Variants in SYT1 observed in about 807,000 individuals in gnomAD.
The protein encoded by SYT1 is synaptotagmin 1.
SYT1 carries 8 observed loss-of-function variants against 44.8 expected under a neutral mutation model. The ratio of observed to expected loss-of-function variants is 0.18; its 90% confidence interval spans 0.10 to 0.32. SYT1 has a LOEUF of 0.32. SYT1 is among the 10% of genes least tolerant of loss of function. SYT1 has a pLI of 1.00. For synonymous variants in SYT1, 154 were observed against 188.8 expected (o/e 0.82, Z 1.51); for missense variants, 286 against 509.3 (o/e 0.56, Z 4.22).
intron 4 of SYT1, among the ~76,000 whole-genome samples, chr12:79,223,935 C>A (rs1458629759): frequency 6.6e-6 from 1 of 152,160 alleles, no homozygotes; most frequent in Non-Finnish European, 1.5e-5. Flanking sequence ...TCTTTCTGCA[C>A]CTGTGCTGCC....
intron 2 of SYT1, among the ~76,000 whole-genome samples, chr12:79,033,294 A>G (rs1185362311): frequency 1.3e-5 from 2 of 151,292 alleles, no homozygotes; most frequent in Non-Finnish European, 3.0e-5. Flanking sequence ...CTCTTCCCCA[A>G]ATCTCTAACC....
intron 9 of SYT1, chr12:79,419,354 CT>C: frequency 4.2e-6 from 2 of 475,872 alleles, no homozygotes; most frequent in South Asian, 1.5e-5. Context: ...TTTTCTTCTC[CT>C]TCCACTGCAC....
chr12:79,433,295 C>T (rs139036317), intron 9 of SYT1, among the ~76,000 whole-genome samples: 11 of 152,246 alleles, frequency 7.2e-5, no homozygotes, highest in Non-Finnish European at 1.0e-4. Flanking sequence ...AGTCATATGA[C>T]GTATAAGATA....
At chr12:78,894,349 T>G (rs1875235699) in intron 1 of SYT1, among the ~76,000 whole-genome samples, 2 of 129,866 alleles carry the variant, frequency 1.5e-5, no homozygotes, top group Non-Finnish European at 3.3e-5. Flanking sequence ...TTTTTTTTTT[T>G]TTTTTTTTTT....
In SYT1 at chr12:79,054,694, A is replaced by G. The variant is rs201353413; in HGVS notation, c.-18+7332A>G. Among the ~76,000 whole-genome samples, 15 of 152,054 alleles carry G rather than the reference A, an allele frequency of 9.9e-5. No homozygotes were observed. The East Asian group carries it at 2.9e-3, about 29-fold the overall frequency. ...AGGTGTTTTAGATATAGGAATAAAT[A>G]AAGTATAGTCTCTGTCATCAAGTAG... On this transcript the variant is annotated intron_variant, in intron 3 of 10. Coordinates refer to ENST00000261205, the MANE Select transcript of SYT1 (RefSeq NM_005639.3).
At chr12:79,316,792 G>A (rs1038735613) in intron 8 of SYT1, among the ~76,000 whole-genome samples, 4 of 152,098 alleles carry the variant, frequency 2.6e-5, no homozygotes, top group South Asian at 2.1e-4. Context: ...TACCTGTTTC[G>A]TTGTCTCGAT....
chr12:79,194,566 T>C (rs1873329877), intron 3 of SYT1, among the ~76,000 whole-genome samples: 1 of 152,050 alleles, frequency 6.6e-6, no homozygotes, highest in South Asian at 2.1e-4. Context: ...AAATTAGAAT[T>C]ACAGACATGA....
intron 3 of SYT1, among the ~76,000 whole-genome samples, chr12:79,153,540 T>C (rs910209187): frequency 2.6e-5 from 4 of 152,092 alleles, no homozygotes; most frequent in African/African-American, 9.7e-5. Flanking sequence ...CTGGAAAAAA[T>C]AAACATAAGC....
At chr12:79,018,181 C>T (rs1033379332) in intron 2 of SYT1, among the ~76,000 whole-genome samples, 5 of 151,848 alleles carry the variant, frequency 3.3e-5, no homozygotes, top group Admixed American at 1.3e-4. Flanking sequence ...ATGATGAGTT[C>T]ATGTCCTTTG....
At chr12:79,426,920 A>G (rs1195828104) in intron 9 of SYT1, among the ~76,000 whole-genome samples, 1 of 152,078 alleles carries the variant, frequency 6.6e-6, no homozygotes, top group African/African-American at 2.4e-5. Context: ...GAGTCTCAAG[A>G]TATCTGACGG....
At chr12:79,144,092 T>G (rs558651058) in intron 3 of SYT1, among the ~76,000 whole-genome samples, 1 of 152,312 alleles carries the variant, frequency 6.6e-6, no homozygotes, top group African/African-American at 2.4e-5. Context: ...CCTCACCTCC[T>G]TGATCTGTCA....
intron 9 of SYT1, among the ~76,000 whole-genome samples, chr12:79,357,758 T>C (rs972934597): frequency 6.6e-6 from 1 of 152,170 alleles, no homozygotes; most frequent in African/African-American, 2.4e-5. Flanking sequence ...TTTTGCCTTA[T>C]ACGTGGAGAC....
At chr12:79,129,162 G>A (rs1342640321) in intron 3 of SYT1, among the ~76,000 whole-genome samples, 1 of 152,118 alleles carries the variant, frequency 6.6e-6, no homozygotes, top group Non-Finnish European at 1.5e-5. Context: ...CCAAAGGACT[G>A]CAATAATTGG....
At chr12:79,134,054 C>A (rs2138188984) in intron 3 of SYT1, among the ~76,000 whole-genome samples, 1 of 152,256 alleles carries the variant, frequency 6.6e-6, no homozygotes, top group East Asian at 1.9e-4. Context: ...AGTCCATATT[C>A]TGATTTCCCT....
At chr12:79,014,344 T>C (rs1341683701) in intron 2 of SYT1, among the ~76,000 whole-genome samples, 4 of 152,154 alleles carry the variant, frequency 2.6e-5, no homozygotes, top group Non-Finnish European at 4.4e-5. Context: ...TAGAATAATG[T>C]TTAGAATTCT....
chr12:79,336,135 T>A (rs2139029365), intron 8 of SYT1, among the ~76,000 whole-genome samples: 1 of 152,308 alleles, frequency 6.6e-6, no homozygotes, highest in African/African-American at 2.4e-5. Flanking sequence ...TTCTCTATCA[T>A]CTGAGGTTCA....
chr12:78,864,354 TAA>T (rs5799404), upstream of SYT1: 1,737 of 126,680 alleles, frequency 0.014, 13 homozygotes, highest in Non-Finnish European at 0.021. Context: ...TGATTGAGAG[TAA>T]AAAAAAAAAA....
chr12:79,078,280 A>G (rs1212486980), intron 3 of SYT1, among the ~76,000 whole-genome samples: 1 of 152,044 alleles, frequency 6.6e-6, no homozygotes, highest in Non-Finnish European at 1.5e-5. Flanking sequence ...CTGTTCTTGG[A>G]TCTCACCCTC....
chr12:78,952,837 AT>A (rs1439625883), intron 1 of SYT1, among the ~76,000 whole-genome samples: 1 of 152,134 alleles, frequency 6.6e-6, no homozygotes, highest in Non-Finnish European at 1.5e-5. Context: ...GACTGCATAG[AT>A]TTATTGAAAT....
Sources: allele counts gnomAD v4.1 joint callset (sites outside exome capture counted in the v4.1 genomes callset), GRCh38; gene constraint gnomAD v4.1.1; transcripts MANE v1.5; gene names NCBI Gene and HGNC (gene_info 2026-07-23, HGNC 2026-07-21).